The following WDR70 variants were observed in gnomAD, a reference collection of about 807,000 sequenced individuals.
The protein encoded by WDR70 is WD repeat domain 70.
A neutral mutation model predicts 88.6 loss-of-function variants in WDR70; 53 were observed. That is an observed-to-expected ratio of 0.60 (90% CI 0.48 to 0.75). The LOEUF (loss-of-function observed/expected upper bound fraction) is 0.75, where lower values mean the gene tolerates loss of function less well. Ranked by LOEUF, WDR70 falls within the 30% of genes least tolerant of loss-of-function variation. WDR70 has a pLI of 0.00. For synonymous variants in WDR70, 280 were observed against 270.0 expected, an observed-to-expected ratio of 1.04 and a Z score of -0.36; for missense variants, 610 against 823.2, an observed-to-expected ratio of 0.74 and a Z score of 3.17.
chr5:37,546,652 C>T (rs1812818), intron 9 of WDR70, among the ~76,000 whole-genome samples: 65,158 of 152,068 alleles, frequency 0.43, 15,566 homozygotes, highest in Non-Finnish European at 0.54. Flanking sequence ...GATGCGGTGG[C>T]TCACGCCTGT....
intron 3 of WDR70, among the ~76,000 whole-genome samples, chr5:37,385,951 C>T (rs183178969): frequency 1.3e-4 from 20 of 151,614 alleles, no homozygotes; most frequent in African/African-American, 3.4e-4. Flanking sequence ...CTATAGGTAC[C>T]GGACACCATG....
intron 10 of WDR70, among the ~76,000 whole-genome samples, chr5:37,663,426 C>T (rs1745754665): frequency 6.6e-6 from 1 of 152,144 alleles, no homozygotes. Context: ...CTTCCTTGCT[C>T]TGGCTCTTAA....
chr5:37,444,834 C>T (rs1353359295), intron 7 of WDR70, among the ~76,000 whole-genome samples: 1 of 152,130 alleles, frequency 6.6e-6, no homozygotes, highest in Non-Finnish European at 1.5e-5. Flanking sequence ...TGAAACTGTT[C>T]TATCTCAGAT....
intron 9 of WDR70, among the ~76,000 whole-genome samples, chr5:37,566,595 A>G (rs1364170172): frequency 6.6e-6 from 1 of 152,186 alleles, no homozygotes; most frequent in South Asian, 2.1e-4. Flanking sequence ...TCAGTCTTAG[A>G]AACACCCCAT....
chr5:37,583,295 G>C (rs1002691403), intron 9 of WDR70, among the ~76,000 whole-genome samples: 1 of 151,808 alleles, frequency 6.6e-6, no homozygotes, highest in African/African-American at 2.4e-5. Flanking sequence ...GCGTGGTGGC[G>C]GGCTAGTCCC....
At chr5:37,620,662 A>G (rs985338995) in intron 10 of WDR70, among the ~76,000 whole-genome samples, 9 of 152,154 alleles carry the variant, frequency 5.9e-5, no homozygotes, top group Non-Finnish European at 1.3e-4. Context: ...AGTACTGATC[A>G]TAACCTATTA....
chr5:37,659,510 T>G (rs1317266902), intron 10 of WDR70, among the ~76,000 whole-genome samples: 1 of 152,242 alleles, frequency 6.6e-6, no homozygotes, highest in African/African-American at 2.4e-5. Flanking sequence ...ATTTGAAATA[T>G]CTTTTTGAAT....
Position 37,469,449 on chromosome 5 carries a change from T to C in WDR70, c.687-10385T>C, listed in dbSNP as rs190929165. On this transcript the variant is annotated intron_variant, in intron 7 of 17. Transcript: ENST00000265107. ...AATATACAACACTTTACTAGGGAAT[T>C]AGCAATGGAAGCAGAGCAAAAATGT... 4.1e-4 allele frequency among the ~76,000 whole-genome samples: 63 copies of C among 152,342 alleles called. No homozygotes were observed. In the East Asian group the frequency reaches 9.6e-3, roughly 23 times the overall value.
At chr5:37,563,551 G>C (rs1742611184) in intron 9 of WDR70, among the ~76,000 whole-genome samples, 1 of 60,434 alleles carries the variant, frequency 1.7e-5, no homozygotes. Context: ...TGGCCGGGCG[G>C]GGGGCTGACC....
At chr5:37,531,832 T>C (rs1453265971) in intron 9 of WDR70, among the ~76,000 whole-genome samples, 3 of 151,966 alleles carry the variant, frequency 2.0e-5, no homozygotes, top group African/African-American at 7.2e-5. Context: ...TTTTTTTCAT[T>C]GTGCTATTGT....
chr5:37,643,722 G>T (rs542127699), intron 10 of WDR70, among the ~76,000 whole-genome samples: 5 of 151,806 alleles, frequency 3.3e-5, no homozygotes, highest in Admixed American at 2.0e-4. Flanking sequence ...TTAATTCCTA[G>T]GTATTTAGTT....
intron 8 of WDR70, among the ~76,000 whole-genome samples, chr5:37,499,573 G>A (rs1485517647): frequency 1.0e-5 from 1 of 97,672 alleles, no homozygotes; most frequent in Non-Finnish European, 2.1e-5. Context: ...TTTTAAATAT[G>A]TGATTTGGAA....
intron 13 of WDR70, among the ~76,000 whole-genome samples, chr5:37,708,457 T>C (rs962324965): frequency 2.0e-5 from 3 of 152,024 alleles, no homozygotes; most frequent in African/African-American, 7.2e-5. Flanking sequence ...TATAATTACA[T>C]GTTACACATG....
At chr5:37,496,614 T>C (rs1184756652) in intron 8 of WDR70, among the ~76,000 whole-genome samples, 1 of 152,222 alleles carries the variant, frequency 6.6e-6, no homozygotes, top group East Asian at 1.9e-4. Flanking sequence ...TATTAAAAAG[T>C]ATCCTTTCTA....
intron 10 of WDR70, among the ~76,000 whole-genome samples, chr5:37,618,987 G>A (rs748186132): frequency 6.6e-6 from 1 of 152,084 alleles, no homozygotes; most frequent in African/African-American, 2.4e-5. Context: ...ATAATGTAAG[G>A]CTTATTTTTT....
At chr5:37,585,237 G>A (rs1233155104) in intron 9 of WDR70, among the ~76,000 whole-genome samples, 3 of 151,940 alleles carry the variant, frequency 2.0e-5, no homozygotes, top group East Asian at 1.9e-4. Flanking sequence ...TGATCCTCCC[G>A]CCTCAGCCTC....
chr5:37,731,834 T>A (rs986903594), intron 17 of WDR70, among the ~76,000 whole-genome samples: 46 of 152,156 alleles, frequency 3.0e-4, no homozygotes, highest in African/African-American at 1.1e-3. Context: ...ATTAGCAGTG[T>A]ATAATTAGAA....
intron 9 of WDR70, among the ~76,000 whole-genome samples, chr5:37,533,303 C>G (rs2112310712): frequency 6.6e-6 from 1 of 152,316 alleles, no homozygotes; most frequent in East Asian, 1.9e-4. Flanking sequence ...AGGATGTGGA[C>G]TTGCCCTACG....
chr5:37,722,721 C>T, intron 14 of WDR70, 134 bp from the exon 15 acceptor site: 1 of 755,340 alleles, frequency 1.3e-6, no homozygotes, highest in Non-Finnish European at 2.2e-6. Context: ...GTTGCCATCC[C>T]TCAGAAAGTC....
Sources: allele counts gnomAD v4.1 joint callset (sites outside exome capture counted in the v4.1 genomes callset), GRCh38; gene constraint gnomAD v4.1.1; transcripts MANE v1.5; gene names NCBI Gene and HGNC (gene_info 2026-07-23, HGNC 2026-07-21).